Variants in XRRA1 observed in about 807,000 individuals in gnomAD.
XRRA1 encodes X-ray radiation resistance-associated protein 1.
XRRA1 carries 69 observed loss-of-function variants against 80.2 expected under a neutral mutation model. That is an observed-to-expected ratio of 0.86 (90% confidence interval 0.71 to 1.05). The LOEUF (loss-of-function observed/expected upper bound fraction) is 1.05, where lower values mean the gene tolerates loss of function less well. Ranked by LOEUF, XRRA1 falls within the 50% of genes least tolerant of loss-of-function variation. The pLI is 0.00. For missense variants in XRRA1, 967 were observed against 976.4 expected (o/e 0.99, Z 0.13); for synonymous variants, 348 against 389.9 (o/e 0.89, Z 1.27).
chr11:74,848,418 G>C lies in XRRA1; in HGVS notation c.1425C>G (p.Leu475=). 1 of 1,613,326 alleles carries C rather than the reference G, an allele frequency of 6.2e-7. No homozygotes were observed. The highest frequency in any genetic ancestry group is 8.5e-7 in the Non-Finnish European group (1 of 1,179,388). ...IPKVPKQPLV[L]HHPRMTTTKS... ...TGGTTGTCGTCATGCGCGGGTGATG[G>C]AGCACCAGAGGCTGCTTCGGCACCT... The change falls in exon 15 of 19, where the codon CTC becomes CTG. Residue 475 remains leucine (L), a synonymous_variant. Transcript: ENST00000684022.
intron 6 of XRRA1, among the ~76,000 whole-genome samples, chr11:74,927,692 C>G (rs1490707964): frequency 6.6e-6 from 1 of 152,182 alleles, no homozygotes; most frequent in Non-Finnish European, 1.5e-5. Flanking sequence ...CTCAGCCAAG[C>G]TAAGTGATTT....
At chr11:74,844,779 T>C (rs1174579140) in intron 16 of XRRA1, among the ~76,000 whole-genome samples, 1 of 152,156 alleles carries the variant, frequency 6.6e-6, no homozygotes, top group African/African-American at 2.4e-5. Context: ...TTCATCACAC[T>C]TTTCCTGAGG....
intron 12 of XRRA1, among the ~76,000 whole-genome samples, chr11:74,858,514 T>C (rs892068948): frequency 2.6e-5 from 4 of 152,214 alleles, no homozygotes; most frequent in African/African-American, 9.7e-5. Context: ...TCTTACAAGT[T>C]TCCTGCATTT....
At chr11:74,947,230 A>G (rs754850343) in intron 1 of XRRA1, among the ~76,000 whole-genome samples, 40 of 152,184 alleles carry the variant, frequency 2.6e-4, no homozygotes, top group Non-Finnish European at 4.9e-4. Context: ...CTGGATCTTG[A>G]AAGATGAGAA....
chr11:74,848,453 C>A lies in XRRA1; in HGVS notation c.1390G>T (p.Glu464Ter). The A allele has an allele frequency of 6.2e-7, 1 of 1,606,442 alleles. No homozygotes were observed. Among genetic ancestry groups the A allele is most frequent in the South Asian group, 1.1e-5 (1 of 90,510 alleles). The change falls in exon 15 of 19, where the codon GAA (glutamate) becomes TAA (stop). Residue 464 changes from glutamate (E) to a stop codon, truncating the protein, a stop_gained. Transcript: ENST00000684022. LOFTEE classifies it high-confidence loss of function. ...GGCTGCTTCGGCACCTTTGGGATTT[C>A]GCTTTTCACCTGTCATGGAGAAGGG... Reference protein sequence around the residue: ...SRKESWKVKSEIPKVPKQPLV... With the variant: ...SRKESWKVKS
At chr11:74,849,307 C>T (rs2039172703) in intron 14 of XRRA1, among the ~76,000 whole-genome samples, 1 of 152,180 alleles carries the variant, frequency 6.6e-6, no homozygotes, top group South Asian at 2.1e-4. Context: ...CCTATTTCCT[C>T]CTTGTGCCTG....
At position 74,843,438 on chromosome 11, in the gene XRRA1, T is replaced by G. The variant is rs1565204130; in HGVS notation, c.2165A>C (p.Gln722Pro). Residue 722 changes from glutamine (Q) to proline (P), a missense_variant, in exon 19 of 19, where the codon CAG (glutamine) becomes CCG (proline). Gln to Pro is a moderately conservative substitution (Grantham distance 76). Coordinates refer to ENST00000684022, the MANE Select transcript of XRRA1 (RefSeq NM_001378157.1). ...TEAPLGAVLHQWTERRLVNHK... is the reference protein window; with the variant it reads ...TEAPLGAVLHPWTERRLVNHK... ...GTTCACCAGCCGCCGTTCTGTCCAC[T>G]GGTGCAGGACAGCACCTGCAGGAAA... The G allele has an allele frequency of 6.2e-7, 1 of 1,612,296 alleles. No homozygotes were observed.
At chr11:74,852,342 T>G (rs1187775856) in intron 12 of XRRA1, among the ~76,000 whole-genome samples, 1 of 152,206 alleles carries the variant, frequency 6.6e-6, no homozygotes, top group Non-Finnish European at 1.5e-5. Flanking sequence ...GAGTTTTTCC[T>G]CTTTTTTCCA....
At chr11:74,919,560 C>T (rs966150069) in intron 8 of XRRA1, 247 of 425,104 alleles carry the variant, frequency 5.8e-4, no homozygotes, top group Non-Finnish European at 1.0e-3. Flanking sequence ...GAAAGCCTAC[C>T]TAAGAATGAA....
At chr11:74,894,845 T>C (rs1423406673) in intron 10 of XRRA1, among the ~76,000 whole-genome samples, 1 of 152,132 alleles carries the variant, frequency 6.6e-6, no homozygotes, top group Non-Finnish European at 1.5e-5. Flanking sequence ...ACATAGGTAG[T>C]AATAAAAGAA....
chr11:74,931,731 G>A (rs1308151673), intron 5 of XRRA1: 1 of 152,160 alleles, frequency 6.6e-6, no homozygotes, highest in African/African-American at 2.4e-5. Flanking sequence ...AAACAATTAT[G>A]TAATTAATAT....
At chr11:74,856,968 G>T (rs1188339803) in intron 12 of XRRA1, among the ~76,000 whole-genome samples, 1 of 152,102 alleles carries the variant, frequency 6.6e-6, no homozygotes, top group African/African-American at 2.4e-5. Flanking sequence ...TGGGAGAGGG[G>T]TAGGACCACT....
intron 7 of XRRA1, among the ~76,000 whole-genome samples, chr11:74,925,860 G>A (rs991764133): frequency 6.6e-6 from 1 of 152,116 alleles, no homozygotes; most frequent in Non-Finnish European, 1.5e-5. Context: ...CAACACAGGA[G>A]CTCAATGACT....
intron 10 of XRRA1, among the ~76,000 whole-genome samples, chr11:74,898,350 A>G (rs895555061): frequency 6.6e-6 from 1 of 152,208 alleles, no homozygotes; most frequent in Non-Finnish European, 1.5e-5. Context: ...AGAGGGAAAG[A>G]AGGAAGAGAA....
At position 74,842,820 on chromosome 11, in the gene XRRA1, T is replaced by A. The variant is rs2036772693; in HGVS notation, c.*380A>T. 4.7e-6 allele frequency: 1 copy of A among 212,286 alleles called. No homozygotes were observed. Among genetic ancestry groups the A allele is most frequent in the Non-Finnish European group, 9.4e-6 (1 of 106,238 alleles). 13.2% of individuals were successfully genotyped at this position (212,286 alleles called of 1,614,324 possible). A position where few individuals can be genotyped will look rare whatever the true frequency, so the allele number is the denominator to read the frequency against. ...TTTGGAGCCATTGTTCAGGAATTTG[T>A]TAAGATCCCCTTGGTGTCAGTTTCT... On this transcript the variant is annotated 3_prime_UTR_variant, in exon 19 of 19. Coordinates refer to ENST00000684022, the MANE Select transcript of XRRA1 (RefSeq NM_001378157.1).
At chr11:74,927,606 T>G in intron 6 of XRRA1, 118 bp from the exon 7 acceptor site, 1 of 591,170 alleles carries the variant, frequency 1.7e-6, no homozygotes, top group Admixed American at 3.2e-5. Flanking sequence ...ATAAGGTACT[T>G]TACATACATG....
chr11:74,917,001 G>T (rs1938935636), intron 8 of XRRA1, among the ~76,000 whole-genome samples: 1 of 152,218 alleles, frequency 6.6e-6, no homozygotes, highest in Non-Finnish European at 1.5e-5. Context: ...GCTCCCAAAA[G>T]ATGGGGAAAG....
intron 10 of XRRA1, among the ~76,000 whole-genome samples, chr11:74,903,209 C>T (rs2053906602): frequency 6.6e-6 from 1 of 152,322 alleles, no homozygotes. Context: ...TATACTCTGT[C>T]ATCCATCAAT....
intron 2 of XRRA1, among the ~76,000 whole-genome samples, chr11:74,943,372 T>A (rs1011689312): frequency 6.6e-6 from 1 of 152,220 alleles, no homozygotes; most frequent in African/African-American, 2.4e-5. Flanking sequence ...CACTTATCAT[T>A]TGTCATTCAC....
Sources: allele counts gnomAD v4.1 joint callset (sites outside exome capture counted in the v4.1 genomes callset), GRCh38; gene constraint gnomAD v4.1.1; transcripts MANE v1.5; gene names NCBI Gene and HGNC (gene_info 2026-07-23, HGNC 2026-07-21).